Variants in ABI2 observed in about 807,000 individuals in gnomAD.
ABI2 encodes the protein abelson interactor 2.
Under a neutral mutation model 59.2 loss-of-function variants are expected in ABI2, and 25 were observed. That is an observed-to-expected ratio of 0.42 (90% confidence interval 0.31 to 0.59). ABI2 has a LOEUF of 0.59. Ranked by LOEUF, ABI2 falls within the 20% of genes least tolerant of loss-of-function variation. The probability of loss-of-function intolerance (pLI) is 0.14; values close to 1 mark genes in which losing one functional copy is unlikely to be tolerated. For synonymous variants in ABI2, 213 were observed against 235.5 expected (o/e 0.90, Z 0.87); for missense variants, 545 against 681.8 (o/e 0.80, Z 2.23).
intron 1 of ABI2, among the ~76,000 whole-genome samples, chr2:203,337,619 T>C (rs2077058827): frequency 6.6e-6 from 1 of 152,196 alleles, no homozygotes; most frequent in Non-Finnish European, 1.5e-5. Context: ...ATGGTATTTT[T>C]CACAAAAATA....
intron 1 of ABI2, among the ~76,000 whole-genome samples, chr2:203,350,348 C>T (rs1198251938): frequency 1.3e-5 from 2 of 151,714 alleles, no homozygotes; most frequent in Non-Finnish European, 2.9e-5. Flanking sequence ...CACGCCTGGC[C>T]AACGGTCTCT....
chr2:203,338,934 GTATA>G (rs1292898900), intron 1 of ABI2, among the ~76,000 whole-genome samples: 99 of 5,008 alleles, frequency 0.02, no homozygotes, highest in Non-Finnish European at 0.042. Context: ...GTGTGTATAT[GTATA>G]TATATATATA....
At chr2:203,337,046 GA>G (rs1172808256) in intron 1 of ABI2, among the ~76,000 whole-genome samples, 2 of 152,150 alleles carry the variant, frequency 1.3e-5, no homozygotes, top group Admixed American at 6.5e-5. Context: ...ACTCAACCAT[GA>G]AAAGTTGAAA....
intron 1 of ABI2, among the ~76,000 whole-genome samples, chr2:203,347,686 T>A (rs1408349786): frequency 6.6e-6 from 1 of 152,236 alleles, no homozygotes; most frequent in Non-Finnish European, 1.5e-5. Context: ...TTAGGTTTAT[T>A]CTGCACAGGC....
rs1408804991 is a variant in ABI2, at chr2:203,394,680, A to G, written c.579-20A>G. Reference sequence around the variant, plus strand: ...CGAAACTTGCTTAATCATACAATACATACGCTCTTCTTTTTGTAGGCGGCA... The same window carrying G: ...CGAAACTTGCTTAATCATACAATACGTACGCTCTTCTTTTTGTAGGCGGCA... On this transcript the variant is annotated intron_variant, in intron 5 of 11. Transcript: ENST00000261018. 4 of 1,612,526 alleles carry G rather than the reference A, an allele frequency of 2.5e-6. No individual in the cohort carries two copies. Among genetic ancestry groups the G allele is most frequent in the Non-Finnish European group, 3.4e-6 (4 of 1,179,474 alleles).
chr2:203,400,936 G>A (rs2097192783), intron 8 of ABI2, among the ~76,000 whole-genome samples: 1 of 152,206 alleles, frequency 6.6e-6, no homozygotes, highest in Non-Finnish European at 1.5e-5. Flanking sequence ...GTTTGATCAT[G>A]AAGATTTCAA....
At chr2:203,338,983 AATATATATATATATATATAT>A (rs1212962939) in intron 1 of ABI2, among the ~76,000 whole-genome samples, 1 of 12,356 alleles carries the variant, frequency 8.1e-5, no homozygotes, top group African/African-American at 2.6e-4. Context: ...TATATATATA[AATATATATATATATATATAT>A]ATATAAAGGA....
At chr2:203,418,159 A>T (rs1166235855) in intron 11 of ABI2, among the ~76,000 whole-genome samples, 2 of 152,268 alleles carry the variant, frequency 1.3e-5, no homozygotes, top group African/African-American at 4.8e-5. Flanking sequence ...GTCTTTATGT[A>T]TGTGTAATTG....
chr2:203,399,761 C>T (rs1243633481), intron 8 of ABI2, among the ~76,000 whole-genome samples: 7 of 152,186 alleles, frequency 4.6e-5, no homozygotes, highest in African/African-American at 1.2e-4. Context: ...GTGATCCGCC[C>T]GCCTCAGCCT....
At chr2:203,328,739 C>T (rs1302907635) in intron 1 of ABI2, 108 bp downstream of exon 1, 1 of 597,616 alleles carries the variant, frequency 1.7e-6, no homozygotes, top group Non-Finnish European at 2.7e-6. Context: ...AGCGGAGCCC[C>T]CGATGGGGGT....
chr2:203,397,111 G>C (rs1040418712), intron 8 of ABI2, 144 bp downstream of exon 8: 1 of 1,176,222 alleles, frequency 8.5e-7, no homozygotes, highest in Non-Finnish European at 1.1e-6. Flanking sequence ...GAAAGTATGT[G>C]ACCAAAGATT....
intron 11 of ABI2, among the ~76,000 whole-genome samples, chr2:203,424,354 G>A (rs772308479): frequency 6.6e-6 from 1 of 152,126 alleles, no homozygotes; most frequent in Non-Finnish European, 1.5e-5. Context: ...CTGGAGTGAA[G>A]TAAACTACTG....
intron 8 of ABI2, among the ~76,000 whole-genome samples, chr2:203,399,903 A>G (rs191342198): frequency 6.6e-6 from 1 of 152,128 alleles, no homozygotes; most frequent in Non-Finnish European, 1.5e-5. Flanking sequence ...TTTTAAATGA[A>G]TCGTGCTTTG....
chr2:203,420,326 A>C (rs1353771785), intron 11 of ABI2, among the ~76,000 whole-genome samples: 1 of 151,474 alleles, frequency 6.6e-6, no homozygotes, highest in East Asian at 1.9e-4. Context: ...TACAGCTTTT[A>C]GCTAGAAGTA....
intron 4 of ABI2, among the ~76,000 whole-genome samples, chr2:203,385,088 C>T (rs1253357858): frequency 1.3e-5 from 2 of 149,772 alleles, no homozygotes; most frequent in African/African-American, 4.9e-5. Context: ...CCGCCTCGGC[C>T]TCCCAAAGTG....
In ABI2 at chr2:203,430,724, T is replaced by G. The variant is rs940008116; in HGVS notation, c.*3372T>G. ...TGCTATGTTCCTAAAAGTTACTGGGTGTGAGACATTTTCATCCCCTCCTTT... is the reference window on the plus strand; with the variant it reads ...TGCTATGTTCCTAAAAGTTACTGGGGGTGAGACATTTTCATCCCCTCCTTT... On this transcript the variant is annotated 3_prime_UTR_variant, in exon 12 of 12. Transcript: ENST00000261018. The G allele has an allele frequency of 1.3e-5, 2 of 152,224 alleles. No homozygotes were observed. Among genetic ancestry groups the G allele is most frequent in the African/African-American group, 4.8e-5 (2 of 41,456 alleles). The allele number at this position is 152,224 out of a possible 1,614,324, so 9.4% of individuals were successfully genotyped here.
chr2:203,407,947 A>G (rs929893080), intron 9 of ABI2, among the ~76,000 whole-genome samples: 8 of 152,228 alleles, frequency 5.3e-5, no homozygotes, highest in Non-Finnish European at 1.0e-4. Flanking sequence ...AAATCTTACA[A>G]GGTCCGAAAA....
chr2:203,380,469 T>C, intron 3 of ABI2, 85 bp downstream of exon 3: 2 of 894,764 alleles, frequency 2.2e-6, no homozygotes, highest in South Asian at 2.8e-5. Flanking sequence ...TTATCTGTCT[T>C]TCTTTCCTAG....
At chr2:203,342,130 A>G (rs2152521678) in intron 1 of ABI2, 3 of 435,582 alleles carry the variant, frequency 6.9e-6, no homozygotes, top group African/African-American at 2.0e-5. Context: ...GTTGAGTAAA[A>G]TGAACTTATG....
Sources: gnomAD v4.1 joint callset for allele counts (sites outside exome capture counted in the v4.1 genomes callset) on GRCh38, gnomAD v4.1.1 for gene constraint, MANE v1.5 for transcripts, NCBI Gene and HGNC (gene_info 2026-07-23, HGNC 2026-07-21) for gene names.